CSMD1: variants seen among roughly 807,000 people sequenced by gnomAD.
The protein encoded by CSMD1 is CUB and sushi domain-containing protein 1.
CSMD1 carries 213 observed loss-of-function variants against 417.5 expected under a neutral mutation model. The observed-to-expected ratio is 0.51, with a 90% confidence interval of 0.46 to 0.57. The LOEUF (loss-of-function observed/expected upper bound fraction) is 0.57. Ranked by LOEUF, CSMD1 falls within the 20% of genes least tolerant of loss-of-function variation. The probability of loss-of-function intolerance (pLI) is 0.00; values close to 1 mark genes in which losing one functional copy is unlikely to be tolerated. For synonymous variants in CSMD1, 2,862 were observed against 1,736.8 expected, an observed-to-expected ratio of 1.65 and a Z score of -16.11; for missense variants, 6,923 against 4,529.7, an observed-to-expected ratio of 1.53 and a Z score of -15.17.
intron 10 of CSMD1, among the ~76,000 whole-genome samples, chr8:3,523,828 T>G (rs1271417413): frequency 7.9e-6 from 1 of 126,766 alleles, no homozygotes; most frequent in Non-Finnish European, 1.6e-5. Context: ...CACATATGCA[T>G]GCACACCCAG....
chr8:3,784,004 T>G (rs1022299000), intron 5 of CSMD1, among the ~76,000 whole-genome samples: 3 of 152,216 alleles, frequency 2.0e-5, no homozygotes, highest in South Asian at 2.1e-4. Context: ...CCTTTCTTAT[T>G]TGCAAAATGT....
chr8:4,674,469 T>G (rs184873578), intron 1 of CSMD1, among the ~76,000 whole-genome samples: 80 of 152,188 alleles, frequency 5.3e-4, no homozygotes, highest in African/African-American at 1.8e-3. Flanking sequence ...GAGGAGGCTG[T>G]GTGTATAAAT....
Position 3,645,893 on chromosome 8 carries a change from C to T in CSMD1, c.1010-29096G>A, listed in dbSNP as rs1042024743. ...ACATAGGGCAAATTACATATGAATA[C>T]TATAATTTTCTAAATGTTTCCCCTT... On this transcript the variant is annotated intron_variant, in intron 7 of 69. Coordinates refer to ENST00000635120, the MANE Select transcript of CSMD1 (RefSeq NM_033225.6). Among the ~76,000 whole-genome samples the T allele has an allele frequency of 2.6e-5, 4 of 152,198 alleles. No homozygotes were observed. In the East Asian group the frequency reaches 5.8e-4, roughly 22 times the overall value.
At position 3,348,051 on chromosome 8, in the gene CSMD1, C is replaced by A; in HGVS notation, c.3415G>T (p.Gly1139Cys). Residue 1139 changes from glycine (G) to cysteine (C), a missense_variant, in exon 22 of 70, where the codon GGC becomes TGC. Gly to Cys is a radical substitution (Grantham distance 159). Coordinates refer to ENST00000635120, the MANE Select transcript of CSMD1 (RefSeq NM_033225.6). ...ECIYKIETEA[G>C]KGIHLRTRSF... ...CGTGTTCTAAGGTGGATGCCCTTGCCGGCTTCTGTTTCTATTTTATAGATA... is the reference window on the plus strand; with the variant it reads ...CGTGTTCTAAGGTGGATGCCCTTGCAGGCTTCTGTTTCTATTTTATAGATA... 2 of 1,611,080 alleles carry A rather than the reference C, an allele frequency of 1.2e-6. No individual in the cohort carries two copies. Among genetic ancestry groups the A allele is most frequent in the Non-Finnish European group, 1.7e-6 (2 of 1,178,548 alleles).
chr8:4,049,728 G>A (rs1039762174), intron 3 of CSMD1, among the ~76,000 whole-genome samples: 2 of 152,080 alleles, frequency 1.3e-5, no homozygotes, highest in Non-Finnish European at 2.9e-5. Flanking sequence ...TTAAAAATTT[G>A]TTTTAAAGTT....
rs1354509895 is a variant in CSMD1 at position 3,930,051 on chromosome 8, G to C, written c.818+67852C>G. ...GGTTTATATAAAGATGTCTCTGAGA[G>C]GGGGTATGTGTTACCTAGGCATGTT... is the stretch of plus-strand genomic sequence containing the variant. On this transcript the variant is annotated intron_variant, in intron 5 of 69. Transcript: ENST00000635120. 3.3e-5 allele frequency among the ~76,000 whole-genome samples: 5 copies of C among 150,338 alleles called. 1 individual carries two copies. The highest frequency in any genetic ancestry group is 9.8e-5 in the African/African-American group (4 of 40,732).
chr8:4,188,122 G>C (rs1341206139), intron 3 of CSMD1, among the ~76,000 whole-genome samples: 1 of 152,068 alleles, frequency 6.6e-6, no homozygotes, highest in Admixed American at 6.5e-5. Flanking sequence ...AAAAACATAG[G>C]TTTTAAGGTA....
chr8:3,438,368 T>C (rs7813358), intron 12 of CSMD1, among the ~76,000 whole-genome samples: 95,438 of 151,924 alleles, frequency 0.63, 30,127 homozygotes, highest in East Asian at 0.76. Context: ...ATACAGAACA[T>C]GTCCAGCAAC....
intron 3 of CSMD1, among the ~76,000 whole-genome samples, chr8:4,380,396 T>C (rs1276010325): frequency 6.6e-6 from 1 of 152,114 alleles, no homozygotes; most frequent in Non-Finnish European, 1.5e-5. Context: ...AGTCAACACA[T>C]GAGGAAAACA....
At chr8:3,206,293 G>A (rs1023144318) in intron 30 of CSMD1, among the ~76,000 whole-genome samples, 3 of 143,634 alleles carry the variant, frequency 2.1e-5, no homozygotes, top group African/African-American at 7.8e-5. Flanking sequence ...GTATGTGTGT[G>A]TGTGGGGTGT....
chr8:2,947,515 A>C (rs1352255950), intron 68 of CSMD1, among the ~76,000 whole-genome samples: 1 of 152,216 alleles, frequency 6.6e-6, no homozygotes, highest in Admixed American at 6.5e-5. Context: ...CATGAGAATA[A>C]AAATCCCTTG....
At chr8:3,634,516 TC>T (rs1584994158) in intron 7 of CSMD1, among the ~76,000 whole-genome samples, 2 of 152,298 alleles carry the variant, frequency 1.3e-5, no homozygotes, top group East Asian at 3.9e-4. Flanking sequence ...TCTCCCGGAC[TC>T]TGCCCATGTA....
At chr8:3,880,610 T>A (rs932984126) in intron 5 of CSMD1, among the ~76,000 whole-genome samples, 4 of 152,200 alleles carry the variant, frequency 2.6e-5, no homozygotes, top group African/African-American at 9.6e-5. Flanking sequence ...ATTTTTGGAT[T>A]CTCCATTTTA....
At chr8:4,382,121 T>G (rs1278921038) in intron 3 of CSMD1, among the ~76,000 whole-genome samples, 1 of 152,196 alleles carries the variant, frequency 6.6e-6, no homozygotes, top group Non-Finnish European at 1.5e-5. Context: ...AGAATGCACT[T>G]CAATAAAGGA....
intron 15 of CSMD1, among the ~76,000 whole-genome samples, chr8:3,403,401 C>T (rs564915005): frequency 1.3e-5 from 2 of 152,316 alleles, no homozygotes; most frequent in African/African-American, 4.8e-5. Context: ...TCCATCGGAG[C>T]GTCCCCTACC....
At chr8:4,650,278 G>C (rs999576599) in intron 1 of CSMD1, among the ~76,000 whole-genome samples, 4 of 148,970 alleles carry the variant, frequency 2.7e-5, no homozygotes, top group Non-Finnish European at 5.9e-5. Flanking sequence ...CCGGGAGGCG[G>C]AGCTTGCAGT....
intron 52 of CSMD1, among the ~76,000 whole-genome samples, chr8:3,015,253 T>C (rs989252091): frequency 1.4e-4 from 22 of 152,188 alleles, no homozygotes; most frequent in African/African-American, 5.3e-4. Flanking sequence ...CTCCGGACAC[T>C]CTCTTTAAAA....
At chr8:4,867,633 C>T (rs1230225955) in intron 1 of CSMD1, among the ~76,000 whole-genome samples, 1 of 151,798 alleles carries the variant, frequency 6.6e-6, no homozygotes, top group Non-Finnish European at 1.5e-5. Context: ...TTTATTATGT[C>T]GCAATGCCAG....
At chr8:4,027,637 T>C (rs1204692855) in intron 4 of CSMD1, among the ~76,000 whole-genome samples, 1 of 152,156 alleles carries the variant, frequency 6.6e-6, no homozygotes, top group Admixed American at 6.5e-5. Flanking sequence ...CTTTATAAAT[T>C]ACCCAGTCTC....
Sources: gnomAD v4.1 joint callset for allele counts (sites outside exome capture counted in the v4.1 genomes callset) on GRCh38, gnomAD v4.1.1 for gene constraint, MANE v1.5 for transcripts, NCBI Gene and HGNC (gene_info 2026-07-23, HGNC 2026-07-21) for gene names.